GSE1: variants seen among roughly 807,000 people sequenced by gnomAD.
GSE1 encodes Gse1 coiled-coil protein, also known as genetic suppressor element 1.
In GSE1, 32 loss-of-function variants were observed where a neutral mutation model predicts 112.6. That is an observed-to-expected ratio of 0.28 (90% CI 0.21 to 0.38). The LOEUF is 0.38. Among genes scored for constraint, GSE1 ranks in the 10% least tolerant of loss-of-function variants. The pLI, the probability that GSE1 is intolerant of heterozygous loss-of-function variation, is 1.00. For missense variants in GSE1, 2,348 were observed against 1,699.2 expected (o/e 1.38, Z -6.71); for synonymous variants, 1,115 against 735.6 (o/e 1.52, Z -8.35).
chr16:85,565,024 G>T (rs1030381104), intron 1 of GSE1, among the ~76,000 whole-genome samples: 2 of 152,088 alleles, frequency 1.3e-5, no homozygotes, highest in Non-Finnish European at 2.9e-5. Flanking sequence ...TCTTAAGAGG[G>T]TCTTGAATGT....
chr16:85,382,702 G>A (rs748487466), intron 2 of GSE1, among the ~76,000 whole-genome samples: 1 of 151,862 alleles, frequency 6.6e-6, no homozygotes, highest in African/African-American at 2.4e-5. Context: ...CAAGAGCATG[G>A]CACCTCACAC....
intron 1 of GSE1, chr16:85,595,075 G>A (rs1212128524): frequency 6.6e-6 from 1 of 152,442 alleles, no homozygotes; most frequent in East Asian, 1.9e-4. Flanking sequence ...AGGTTCTCTG[G>A]AGCCCACACA....
chr16:85,372,214 C>T (rs979036267), intron 2 of GSE1, among the ~76,000 whole-genome samples: 4 of 152,234 alleles, frequency 2.6e-5, no homozygotes, highest in South Asian at 2.1e-4. Flanking sequence ...GAACCCCTGG[C>T]GGGCGCGGTG....
At chr16:85,187,662 G>T (rs780678539) in intron 1 of GSE1, among the ~76,000 whole-genome samples, 1 of 152,084 alleles carries the variant, frequency 6.6e-6, no homozygotes, top group Non-Finnish European at 1.5e-5. Flanking sequence ...ATCAGGCCTC[G>T]CCCCCACCTG....
rs556160785 is a variant in GSE1, at chr16:85,340,335, A to G, written c.2284-17128A>G. Among the ~76,000 whole-genome samples, 26 of 152,154 alleles carry G rather than the reference A, an allele frequency of 1.7e-4. No individual in the cohort carries two copies. The South Asian group carries it at 5.0e-3, about 29-fold the overall frequency. On this transcript the variant is annotated intron_variant, in intron 1 of 2. Transcript: ENST00000637419. The stretch of plus-strand genomic sequence containing the variant: ...ACTGCACTCCAGCCTAGGTGACAGA[A>G]TGAGACCCTGTCTTAAAAACAAAGG...
chr16:85,485,772 A>T (rs2050815585), intron 2 of GSE1, among the ~76,000 whole-genome samples: 1 of 150,990 alleles, frequency 6.6e-6, no homozygotes, highest in Admixed American at 6.6e-5. Flanking sequence ...GCCTGATGCC[A>T]CCCTCCCTAG....
chr16:85,563,750 G>A lies in GSE1; in HGVS notation c.37+7387G>A, dbSNP rs532876042. 1.8e-3 allele frequency among the ~76,000 whole-genome samples: 281 copies of A among 152,328 alleles called. 2 individuals carry two copies. The highest frequency in any genetic ancestry group is 0.016 in the South Asian group (77 of 4,824). ...ATGGCCTGTGGGGTCAGGAAGTCAC[G>A]GAACATTGGACTTGGGAGGGACCTC... On this transcript the variant is annotated intron_variant, in intron 1 of 2. Coordinates refer to the GSE1 transcript ENST00000635906.
Position 85,666,089 on chromosome 16 carries a change from C to T in GSE1, c.2872C>T (p.Gln958Ter). ...EPGKLEQVRP[Q>*]ELSRVQELAP... is the part of the protein sequence containing the mutation. ...TGGGAAGCTGGAACAGGTCCGGCCCCAGGAGCTGTCGAGAGTCCAGGAGCT... is the reference window on the plus strand; with the variant it reads ...TGGGAAGCTGGAACAGGTCCGGCCCTAGGAGCTGTCGAGAGTCCAGGAGCT... Residue 958 changes from glutamine (Q) to a stop codon, truncating the protein, a stop_gained, in exon 13 of 16, where the codon CAG becomes TAG. Transcript: ENST00000253458. LOFTEE classifies it high-confidence loss of function. 6.2e-7 allele frequency: 1 copy of T among 1,613,238 alleles called. No homozygotes were observed. The highest frequency in any genetic ancestry group is 8.5e-7 in the Non-Finnish European group (1 of 1,179,956).
chr16:85,583,216 A>T (rs2046527379), intron 1 of GSE1: 1 of 152,178 alleles, frequency 6.6e-6, no homozygotes, highest in South Asian at 2.1e-4. Context: ...ACATACAGCG[A>T]TTCTCAGTTG....
At chr16:85,201,956 C>T (rs933729382) in intron 1 of GSE1, among the ~76,000 whole-genome samples, 4 of 152,188 alleles carry the variant, frequency 2.6e-5, no homozygotes. Context: ...TAGTTGCCAT[C>T]TGTGGATGGT....
intron 1 of GSE1, among the ~76,000 whole-genome samples, chr16:85,218,666 C>G (rs2075342531): frequency 1.3e-5 from 2 of 152,284 alleles, no homozygotes; most frequent in Middle Eastern, 3.4e-3. Flanking sequence ...TGTGGGAGTC[C>G]AGCAAGTGAC....
chr16:85,638,051 G>A (rs2050146276), intron 2 of GSE1, among the ~76,000 whole-genome samples: 1 of 152,168 alleles, frequency 6.6e-6, no homozygotes, highest in Admixed American at 6.5e-5. Context: ...GGGTGCCCTG[G>A]GCCCCAGCCG....
intron 4 of GSE1, 123 bp downstream of exon 4, chr16:85,654,573 C>T (rs914209732): frequency 1.9e-5 from 17 of 894,330 alleles, no homozygotes; most frequent in African/African-American, 3.4e-5. Flanking sequence ...GGTTGTCGGC[C>T]GCTGAGCCCT....
intron 1 of GSE1, among the ~76,000 whole-genome samples, chr16:85,567,120 C>A (rs957652571): frequency 1.3e-5 from 2 of 149,110 alleles, no homozygotes; most frequent in African/African-American, 4.9e-5. Context: ...GGATTTCAAC[C>A]GCCTGTGCTG....
intron 5 of GSE1, among the ~76,000 whole-genome samples, chr16:85,655,369 C>T (rs2051829551): frequency 6.6e-6 from 1 of 152,202 alleles, no homozygotes; most frequent in South Asian, 2.1e-4. Context: ...AAGCTCTGCC[C>T]ATCCTTGTCA....
rs546223128 is a variant in GSE1 at position 85,652,482 on chromosome 16, A to G, written c.427-1796A>G. Among the ~76,000 whole-genome samples, 40 of 152,268 alleles carry G rather than the reference A, an allele frequency of 2.6e-4. No homozygotes were observed. The South Asian group carries it at 2.7e-3, about 10-fold the overall frequency. ...TCGTGAACCCAGGAGGACCCTACAGAGAAGGGGGGCCGGGGCTCAGCCCGC... is the reference window on the plus strand; with the variant it reads ...TCGTGAACCCAGGAGGACCCTACAGGGAAGGGGGGCCGGGGCTCAGCCCGC... On this transcript the variant is annotated intron_variant, in intron 3 of 15. Coordinates refer to ENST00000253458, the MANE Select transcript of GSE1 (RefSeq NM_014615.5).
intron 1 of GSE1, among the ~76,000 whole-genome samples, chr16:85,288,362 G>T (rs762147177): frequency 6.6e-6 from 1 of 152,220 alleles, no homozygotes; most frequent in African/African-American, 2.4e-5. Flanking sequence ...GGAGGAACTC[G>T]TAGGACAATA....
At chr16:85,453,150 C>T (rs1336940505) in intron 2 of GSE1, among the ~76,000 whole-genome samples, 1 of 152,180 alleles carries the variant, frequency 6.6e-6, no homozygotes, top group Non-Finnish European at 1.5e-5. Flanking sequence ...CCAGGCAGTC[C>T]TTTCCAGCTC....
At chr16:85,670,827 G>A (rs894203380) in intron 14 of GSE1, 168 bp from the exon 15 acceptor site, 23 of 513,668 alleles carry the variant, frequency 4.5e-5, no homozygotes, top group Admixed American at 4.1e-4. Context: ...TGTATTTATC[G>A]GTACAATTCA....
Sources: allele counts gnomAD v4.1 joint callset (sites outside exome capture counted in the v4.1 genomes callset), GRCh38; gene constraint gnomAD v4.1.1; transcripts MANE v1.5; gene names NCBI Gene and HGNC (gene_info 2026-07-23, HGNC 2026-07-21).